Variants in RRM1 observed in about 807,000 individuals in gnomAD.
The protein encoded by RRM1 is ribonucleotide reductase catalytic subunit M1, also known as ribonucleoside-diphosphate reductase large subunit.
In RRM1, 19 loss-of-function variants were observed where a neutral mutation model predicts 101.5. The ratio of observed to expected loss-of-function variants is 0.19; its 90% CI spans 0.13 to 0.27. The LOEUF (loss-of-function observed/expected upper bound fraction) is 0.27. Among genes scored for constraint, RRM1 ranks in the 10% least tolerant of loss-of-function variants. The probability of loss-of-function intolerance (pLI) is 1.00; values close to 1 mark genes in which losing one functional copy is unlikely to be tolerated. For synonymous variants in RRM1, 298 were observed against 323.4 expected (o/e 0.92, Z 0.84); for missense variants, 500 against 962.9 (o/e 0.52, Z 6.36).
chr11:4,129,467 AT>A (rs5789322), intron 15 of RRM1, among the ~76,000 whole-genome samples: 9,781 of 148,448 alleles, frequency 0.066, 489 homozygotes, highest in East Asian at 0.19. Flanking sequence ...TCCAACTATG[AT>A]TTTTTTTTTT....
intron 8 of RRM1, chr11:4,118,983 C>T (rs2133305663): frequency 6.6e-6 from 1 of 152,476 alleles, no homozygotes; most frequent in Admixed American, 6.5e-5. Context: ...AAGATTTATG[C>T]ATTGACACTT....
intron 15 of RRM1, among the ~76,000 whole-genome samples, chr11:4,131,856 A>G (rs1342493512): frequency 6.6e-6 from 1 of 152,218 alleles, no homozygotes; most frequent in Non-Finnish European, 1.5e-5. Context: ...GGCCTAGCAC[A>G]ATGATTTTAT....
At chr11:4,104,715 A>G (rs989731851) in intron 2 of RRM1, among the ~76,000 whole-genome samples, 1 of 152,208 alleles carries the variant, frequency 6.6e-6, no homozygotes, top group Admixed American at 6.5e-5. Flanking sequence ...AAAGTTGATA[A>G]TTACTTATCA....
chr11:4,095,143 A>C (rs1458442313), intron 1 of RRM1, 112 bp downstream of exon 1: 2 of 1,202,984 alleles, frequency 1.7e-6, no homozygotes, highest in Non-Finnish European at 2.3e-6. Context: ...CCTTTCCCGC[A>C]TTTCCCGCCG....
intron 1 of RRM1, among the ~76,000 whole-genome samples, chr11:4,097,542 TA>T (rs1222427762): frequency 6.6e-6 from 1 of 152,120 alleles, no homozygotes; most frequent in Non-Finnish European, 1.5e-5. Flanking sequence ...ACTTTTTTTG[TA>T]CCCCCTTATT....
chr11:4,095,675 T>G (rs2094542601), intron 1 of RRM1, among the ~76,000 whole-genome samples: 1 of 152,190 alleles, frequency 6.6e-6, no homozygotes, highest in Non-Finnish European at 1.5e-5. Flanking sequence ...GAAGGGTGGC[T>G]GAGACATCTT....
rs150124562 is a variant in RRM1, at chr11:4,135,174, A to G, written c.2094A>G (p.Arg698=). 1 of 1,613,768 alleles carries G rather than the reference A, an allele frequency of 6.2e-7. No individual in the cohort carries two copies. Among genetic ancestry groups the G allele is most frequent in the Non-Finnish European group, 8.5e-7 (1 of 1,179,786 alleles). ...QKTVLKMAAE[R]GAFIDQSQSL... is the part of the protein sequence containing the mutation. ...CTGTTCTCAAGATGGCAGCTGAGAG[A>G]GGTGCTTTCATTGATCAAAGCCAAT... The change falls in exon 18 of 19, where the codon AGA becomes AGG. Residue 698 remains arginine (R), a synonymous_variant. Coordinates refer to ENST00000300738, the MANE Select transcript of RRM1 (RefSeq NM_001033.5).
chr11:4,121,830 T>A, intron 10 of RRM1, 65 bp downstream of exon 10: 5 of 1,463,646 alleles, frequency 3.4e-6, no homozygotes, highest in Non-Finnish European at 4.6e-6. Context: ...TTTTTAGTCA[T>A]CTTAAGTCAT....
At chr11:4,095,222 C>T (rs1192193114) in intron 1 of RRM1, among the ~76,000 whole-genome samples, 191 bp downstream of exon 1, 1 of 152,188 alleles carries the variant, frequency 6.6e-6, no homozygotes, top group Non-Finnish European at 1.5e-5. Context: ...CTCCTTCGGG[C>T]CTTCAGGCTG....
chr11:4,119,341 C>T (rs1334335366), intron 8 of RRM1: 2 of 175,052 alleles, frequency 1.1e-5, no homozygotes, highest in East Asian at 1.8e-4. Context: ...ATCTTCTAGT[C>T]GTAGGAGTCT....
At chr11:4,122,729 T>C (rs182580236) in intron 11 of RRM1, among the ~76,000 whole-genome samples, 1 of 152,126 alleles carries the variant, frequency 6.6e-6, no homozygotes, top group Admixed American at 6.6e-5. Flanking sequence ...AAAAATTAGC[T>C]GGGCGTGGTG....
rs2094553936 is a variant in RRM1 at position 4,103,186 on chromosome 11, A to T, written c.108+1105A>T. 2.0e-5 allele frequency among the ~76,000 whole-genome samples: 3 copies of T among 152,208 alleles called. No individual in the cohort carries two copies. The South Asian group carries it at 6.2e-4, about 31-fold the overall frequency. Reference sequence around the variant, plus strand: ...GAATTGAGGATGGGCTGTGTATCTTATTCTTGTGATATCCTCAGTGCTTGA... The same window carrying T: ...GAATTGAGGATGGGCTGTGTATCTTTTTCTTGTGATATCCTCAGTGCTTGA... On this transcript the variant is annotated intron_variant, in intron 2 of 18. Coordinates refer to ENST00000300738, the MANE Select transcript of RRM1 (RefSeq NM_001033.5).
rs890330794 is a variant in RRM1 at position 4,107,535 on chromosome 11, T to C, written c.387T>C (p.Asp129=). ...TGGATATTGTTCTGGCCAATAAAGA[T>C]GTATGTATAACACTTATCTGGTGGA... is the stretch of plus-strand genomic sequence containing the variant. ...STLDIVLANK[D]RLNSAIIYDR... The change falls in exon 4 of 19, where the codon GAT becomes GAC. Residue 129 remains aspartate, a splice_region_variant and synonymous_variant. Transcript: ENST00000300738. The C allele has an allele frequency of 6.2e-6, 10 of 1,601,104 alleles. No homozygotes were observed. The highest frequency in any genetic ancestry group is 1.7e-5 in the Admixed American group (1 of 59,926).
intron 7 of RRM1, among the ~76,000 whole-genome samples, chr11:4,116,725 C>G (rs1056961695): frequency 6.6e-6 from 1 of 152,088 alleles, no homozygotes. Context: ...AATTCCAACA[C>G]TCTGGGAGGC....
In RRM1 at chr11:4,111,611, G is replaced by A. The variant is rs2094565707; in HGVS notation, c.458G>A (p.Arg153Gln). The A allele has an allele frequency of 6.2e-7, 1 of 1,603,178 alleles. No homozygotes were observed. Among genetic ancestry groups the A allele is most frequent in the Non-Finnish European group, 8.5e-7 (1 of 1,174,736 alleles). ...TTTCTCTCTTTCTAGACGCTAGAGC[G>A]GTCTTATTTGTTGAAGATCAATGGA... is the stretch of plus-strand genomic sequence containing the variant. ...YNYFGFKTLE[R>Q]SYLLKINGKV... The change falls in exon 6 of 19, where the codon CGG (arginine) becomes CAG (glutamine). Residue 153 changes from arginine (R) to glutamine (Q), a missense_variant. Arg to Gln is a conservative substitution (Grantham distance 43). Around this residue, in one of 9 missense-constraint regions of RRM1, gnomAD observed 111 missense variants for 219.8 expected, o/e 0.51. Coordinates refer to ENST00000300738, the MANE Select transcript of RRM1 (RefSeq NM_001033.5).
chr11:4,129,618 A>C (rs900274116), intron 15 of RRM1, among the ~76,000 whole-genome samples: 1 of 152,152 alleles, frequency 6.6e-6, no homozygotes, highest in Non-Finnish European at 1.5e-5. Context: ...TATGAAAAAA[A>C]AATTTTTAAA....
At chr11:4,106,564 T>C (rs912640143) in intron 3 of RRM1, among the ~76,000 whole-genome samples, 2 of 152,096 alleles carry the variant, frequency 1.3e-5, no homozygotes, top group Non-Finnish European at 2.9e-5. Flanking sequence ...CTGGCCAACA[T>C]GGCGAAACCC....
At chr11:4,118,246 T>G in intron 7 of RRM1, 74 bp from the exon 8 acceptor site, 1 of 1,405,712 alleles carries the variant, frequency 7.1e-7, no homozygotes, top group Non-Finnish European at 9.8e-7. Flanking sequence ...CCTTAGTGTC[T>G]TTGTGTTGAG....
intron 6 of RRM1, 39 bp downstream of exon 6, chr11:4,111,679 CATT>C: frequency 1.3e-6 from 2 of 1,517,182 alleles, no homozygotes; most frequent in Non-Finnish European, 9.1e-7. Context: ...ATTTTCTACT[CATT>C]ATATTGAATG....
Sources: gnomAD v4.1 joint callset for allele counts (sites outside exome capture counted in the v4.1 genomes callset) on GRCh38, gnomAD v4.1.1 for gene constraint, gnomAD v4.1.1 regional missense constraint, MANE v1.5 for transcripts, NCBI Gene and HGNC (gene_info 2026-07-23, HGNC 2026-07-21) for gene names.